EDARADD: variants seen among roughly 807,000 people sequenced by gnomAD.
EDARADD encodes EDAR associated via death domain, also known as ectodysplasin-A receptor-associated adapter protein.
EDARADD carries 20 observed loss-of-function variants against 25.6 expected under a neutral mutation model. The observed-to-expected ratio is 0.78, with a 90% CI of 0.55 to 1.14. EDARADD has a LOEUF of 1.14. EDARADD is among the 50% of genes most tolerant of loss of function. EDARADD has a pLI of 0.00. For missense variants in EDARADD, 225 were observed against 270.1 expected, an observed-to-expected ratio of 0.83 and a Z score of 1.17; for synonymous variants, 86 against 94.4, an observed-to-expected ratio of 0.91 and a Z score of 0.52.
At chr1:236,385,614 C>T (rs12756028) in intron 3 of EDARADD, among the ~76,000 whole-genome samples, 78,982 of 151,368 alleles carry the variant, frequency 0.52, 22,865 homozygotes, top group Non-Finnish European at 0.65. Flanking sequence ...ATCCCAGCTA[C>T]TTGGGAGGCT....
intron 3 of EDARADD, among the ~76,000 whole-genome samples, chr1:236,373,465 C>T (rs1478882879): frequency 1.3e-5 from 2 of 152,258 alleles, no homozygotes; most frequent in African/African-American, 4.8e-5. Flanking sequence ...CTTGGCCTCC[C>T]GAATTGCTGG....
At chr1:236,475,592 G>A (rs1025661841) in intron 5 of EDARADD, among the ~76,000 whole-genome samples, 12 of 151,914 alleles carry the variant, frequency 7.9e-5, no homozygotes, top group Admixed American at 5.3e-4. Context: ...GTGAAAACCC[G>A]TCTCTACTAT....
chr1:236,379,685 A>G (rs5008337), intron 3 of EDARADD, among the ~76,000 whole-genome samples: 27,026 of 151,934 alleles, frequency 0.18, 2,500 homozygotes, highest in South Asian at 0.26. Context: ...AGGCTGAGGC[A>G]GGAGAATCAC....
At chr1:236,351,275 A>G (rs941190966) in intron 3 of EDARADD, among the ~76,000 whole-genome samples, 1 of 152,168 alleles carries the variant, frequency 6.6e-6, no homozygotes, top group Non-Finnish European at 1.5e-5. Context: ...ATTTTGCCTC[A>G]GCCTCTTCCT....
At chr1:236,407,472 T>C (rs1283833582) in intron 1 of EDARADD, among the ~76,000 whole-genome samples, 1 of 150,206 alleles carries the variant, frequency 6.7e-6, no homozygotes, top group Admixed American at 6.6e-5. Flanking sequence ...GCAAAGAAAC[T>C]GTGGAAAGTT....
upstream of EDARADD, among the ~76,000 whole-genome samples, chr1:236,389,668 A>T (rs1384647196): frequency 6.6e-6 from 1 of 152,164 alleles, no homozygotes; most frequent in African/African-American, 2.4e-5. Flanking sequence ...TGTATGCAAA[A>T]TCTACAAGGC....
chr1:236,448,679 G>A (rs1333345234), intron 4 of EDARADD, among the ~76,000 whole-genome samples: 1 of 152,158 alleles, frequency 6.6e-6, no homozygotes, highest in Non-Finnish European at 1.5e-5. Flanking sequence ...GCCAGCACTG[G>A]TGACCTGCCC....
At chr1:236,457,198 CAAAAT>C (rs1658892856) in intron 4 of EDARADD, among the ~76,000 whole-genome samples, 1 of 152,098 alleles carries the variant, frequency 6.6e-6, no homozygotes, top group Admixed American at 6.5e-5. Context: ...TAGACCTAGA[CAAAAT>C]AAAATATCTG....
rs142388371 is a variant in EDARADD at position 236,442,213 on chromosome 1, C to T, written c.219+14763C>T. 2.6e-3 allele frequency among the ~76,000 whole-genome samples: 402 copies of T among 152,154 alleles called. 3 individuals are homozygous for T. The highest frequency in any genetic ancestry group is 9.3e-3 in the African/African-American group (385 of 41,516). On this transcript the variant is annotated intron_variant, in intron 4 of 5. Coordinates refer to ENST00000334232, the MANE Select transcript of EDARADD (RefSeq NM_145861.4). ...CCATCTCAGCTCACTGCAACCTCCA[C>T]CTCCGGGGTTCAAGTGATTTTCGTG...
chr1:236,480,557 A>C (rs1659645440), intron 5 of EDARADD, among the ~76,000 whole-genome samples: 1 of 152,000 alleles, frequency 6.6e-6, no homozygotes, highest in South Asian at 2.1e-4. Context: ...CGTCGGTCCA[A>C]ATTCTTTACC....
Position 236,482,319 on chromosome 1 carries a change from G to A in EDARADD, c.318G>A (p.Leu106=). The part of the protein sequence containing the change: ...CKENCTCSSC[L]LRAPTISDLL... The stretch of plus-strand genomic sequence containing the variant: ...AAAACTGTACTTGTTCCTCCTGCTT[G>A]CTCCGGGCCCCCACCATAAGTGACT... The change falls in exon 6 of 6, where the codon TTG becomes TTA. Residue 106 remains leucine (L), a synonymous_variant. Transcript: ENST00000334232. 3 of 1,614,124 alleles carry A rather than the reference G, an allele frequency of 1.9e-6. No homozygotes were observed. The highest frequency in any genetic ancestry group is 2.5e-6 in the Non-Finnish European group (3 of 1,180,036).
chr1:236,467,426 GCACACA>G (rs376781528), intron 4 of EDARADD, among the ~76,000 whole-genome samples: 17 of 139,028 alleles, frequency 1.2e-4, no homozygotes, highest in Admixed American at 3.5e-4. Context: ...ACACACACGC[GCACACA>G]CACACACACA....
At chr1:236,446,623 A>G (rs1416462880) in intron 4 of EDARADD, among the ~76,000 whole-genome samples, 1 of 152,250 alleles carries the variant, frequency 6.6e-6, no homozygotes, top group African/African-American at 2.4e-5. Flanking sequence ...TGAAATGAGT[A>G]GTATACAATA....
At chr1:236,472,113 C>T (rs113960288) in intron 5 of EDARADD, among the ~76,000 whole-genome samples, 4 of 151,908 alleles carry the variant, frequency 2.6e-5, no homozygotes, top group African/African-American at 9.7e-5. Context: ...GAGTGGGATA[C>T]GATGGAGAGG....
At chr1:236,481,902 AG>A (rs1193736180) in intron 5 of EDARADD, among the ~76,000 whole-genome samples, 5 of 151,976 alleles carry the variant, frequency 3.3e-5, no homozygotes, top group Non-Finnish European at 7.4e-5. Context: ...TCACAAGGTC[AG>A]GAGATCGAGA....
At chr1:236,405,499 C>T (rs1667691233) in intron 1 of EDARADD, among the ~76,000 whole-genome samples, 1 of 152,170 alleles carries the variant, frequency 6.6e-6, no homozygotes, top group South Asian at 2.1e-4. Flanking sequence ...AGAGGAAGAG[C>T]CCGAGGCTTA....
At chr1:236,447,754 A>C (rs749678417) in intron 4 of EDARADD, among the ~76,000 whole-genome samples, 25 of 152,192 alleles carry the variant, frequency 1.6e-4, no homozygotes, top group Non-Finnish European at 3.5e-4. Context: ...TGTTACTAAC[A>C]GTATTAGTAC....
At chr1:236,440,026 G>C (rs1658360268) in intron 4 of EDARADD, among the ~76,000 whole-genome samples, 1 of 152,098 alleles carries the variant, frequency 6.6e-6, no homozygotes, top group African/African-American at 2.4e-5. Context: ...TTTTGTGAGA[G>C]TTTAAAGAGT....
intron 3 of EDARADD, among the ~76,000 whole-genome samples, chr1:236,422,375 A>C (rs1008491316): frequency 6.6e-6 from 1 of 152,128 alleles, no homozygotes; most frequent in South Asian, 2.1e-4. Context: ...CTGTTTCTTT[A>C]TTTATAGTTT....
Sources: gnomAD v4.1 joint callset for allele counts (sites outside exome capture counted in the v4.1 genomes callset) on GRCh38, gnomAD v4.1.1 for gene constraint, MANE v1.5 for transcripts, NCBI Gene and HGNC (gene_info 2026-07-23, HGNC 2026-07-21) for gene names.